The following FLNB variants were observed in gnomAD, a reference collection of about 807,000 sequenced individuals.
The protein encoded by FLNB is filamin B, also known as filamin-B.
A neutral mutation model predicts 250.6 loss-of-function variants in FLNB; 111 were observed. That is an observed-to-expected ratio of 0.44 (90% confidence interval 0.38 to 0.52). The LOEUF (loss-of-function observed/expected upper bound fraction) is 0.52. FLNB is among the 20% of genes least tolerant of loss of function. The pLI is 0.00. For synonymous variants in FLNB, 1,302 were observed against 1,372.1 expected, an observed-to-expected ratio of 0.95 and a Z score of 1.13; for missense variants, 2,869 against 3,447.8, an observed-to-expected ratio of 0.83 and a Z score of 4.20.
At position 58,169,048 on chromosome 3, in the gene FLNB, A is replaced by G. The variant is rs1220910027; in HGVS notation, c.7417+390A>G. 1.6e-5 allele frequency: 5 copies of G among 306,080 alleles called. No homozygotes were observed. The highest frequency in any genetic ancestry group is 3.1e-5 in the Non-Finnish European group (5 of 159,082). 19.0% of individuals were successfully genotyped at this position (306,080 alleles called of 1,614,324 possible). A position where few individuals can be genotyped will look rare whatever the true frequency, so the allele number is the denominator to read the frequency against. On this transcript the variant is annotated intron_variant, in intron 44 of 45. Transcript: ENST00000295956. The surrounding 1 kb of genome is among the most constrained non-coding windows in gnomAD (Gnocchi z 4.8). The stretch of plus-strand genomic sequence containing the variant: ...TCCAAAACACTGGAAAAAATACCAA[A>G]CTATGAAAACCACTTCACAGCCACC...
rs1347273426 is a variant in FLNB, at chr3:58,109,990, A to G, written c.2324-20A>G. The G allele has an allele frequency of 6.2e-7, 1 of 1,613,986 alleles. No homozygotes were observed. The highest frequency in any genetic ancestry group is 8.5e-7 in the Non-Finnish European group (1 of 1,179,878). On this transcript the variant is annotated intron_variant, in intron 15 of 45. Transcript: ENST00000295956. ...ATGCTGTTTCTTGTAAGCTGGTGCTAATAAGCTGGTCTGTTCCAGGTGATG... is the reference window on the plus strand; with the variant it reads ...ATGCTGTTTCTTGTAAGCTGGTGCTGATAAGCTGGTCTGTTCCAGGTGATG...
In FLNB at chr3:58,073,486, G is replaced by A. The variant is rs13317667; in HGVS notation, c.293-3560G>A. Among the ~76,000 whole-genome samples the A allele has an allele frequency of 2.8e-3, 427 of 152,274 alleles. 5 individuals are homozygous for A. The highest frequency in any genetic ancestry group is 9.7e-3 in the African/African-American group (402 of 41,554). ...GATTGACCACAGGACCTCAAAAGGA[G>A]GGCTGGCTTCATGACCACATGACCC... On this transcript the variant is annotated intron_variant, in intron 1 of 45. Coordinates refer to ENST00000295956, the MANE Select transcript of FLNB (RefSeq NM_001457.4).
intron 38 of FLNB, among the ~76,000 whole-genome samples, chr3:58,151,871 C>G (rs1202159630): frequency 6.6e-5 from 10 of 152,200 alleles, no homozygotes; most frequent in African/African-American, 2.4e-4. Flanking sequence ...CCTTGGCAGA[C>G]CGCCCTCCAC....
At chr3:58,119,826 T>C (rs948645177) in intron 19 of FLNB, among the ~76,000 whole-genome samples, 2 of 152,244 alleles carry the variant, frequency 1.3e-5, no homozygotes, top group Non-Finnish European at 2.9e-5. Flanking sequence ...TCTATACATA[T>C]AGATGTGCCT....
chr3:58,075,108 T>C (rs1411700032), intron 1 of FLNB, among the ~76,000 whole-genome samples: 3 of 152,112 alleles, frequency 2.0e-5, no homozygotes, highest in Admixed American at 2.0e-4. Flanking sequence ...TGGCATGCCA[T>C]GCACCCCTTA....
chr3:58,008,444 C>T lies in FLNB; in HGVS notation c.-121C>T, dbSNP rs1343002687. ...CGCAGAGCAGCACCGGCCGTGGCTC[C>T]GGTAGCAGCAAGTTCGAACCCCGCT... On this transcript the variant is annotated 5_prime_UTR_variant, in exon 1 of 46. Transcript: ENST00000295956. The T allele has an allele frequency of 3.5e-5, 42 of 1,213,712 alleles. 1 individual carries two copies. In the South Asian group the frequency reaches 5.3e-4, roughly 15 times the overall value. 75.2% of individuals were successfully genotyped at this position (1,213,712 alleles called of 1,614,324 possible).
intron 6 of FLNB, among the ~76,000 whole-genome samples, chr3:58,097,173 G>A (rs553562096): frequency 2.6e-5 from 4 of 152,126 alleles, no homozygotes; most frequent in Admixed American, 6.5e-5. Flanking sequence ...TCACCACCTT[G>A]GGCTTTAGTG....
chr3:58,026,815 G>C lies in FLNB; in HGVS notation c.292+17959G>C, dbSNP rs144255161. Among the ~76,000 whole-genome samples the C allele has an allele frequency of 6.7e-4, 102 of 152,308 alleles. 3 individuals carry two copies. Among genetic ancestry groups the C allele is most frequent in the Admixed American group, 2.2e-3 (33 of 15,294 alleles). On this transcript the variant is annotated intron_variant, in intron 1 of 45. Transcript: ENST00000295956. ...ATGTCAGTTTTAGGCCATCTCTGGT[G>C]TAGCCAGGGAACGCCCAACACCTTT...
Position 58,118,931 on chromosome 3 carries a change from T to C in FLNB, c.2805T>C (p.Thr935=). Residue 935 remains threonine, a synonymous_variant, in exon 19 of 46, where the codon ACT becomes ACC. Coordinates refer to ENST00000295956, the MANE Select transcript of FLNB (RefSeq NM_001457.4). Reference sequence around the variant, plus strand: ...ATCCCATCCCTAAAAGCCCTTTCACTGTGGGTGTTGCTGCACCGCTGGATC... The same window carrying C: ...ATCCCATCCCTAAAAGCCCTTTCACCGTGGGTGTTGCTGCACCGCTGGATC... ...GGDPIPKSPF[T]VGVAAPLDLS... 1 of 1,614,130 alleles carries C rather than the reference T, an allele frequency of 6.2e-7. No homozygotes were observed. The highest frequency in any genetic ancestry group is 1.3e-5 in the African/African-American group (1 of 75,024).
In FLNB at chr3:58,168,583, G is replaced by A; in HGVS notation, c.7342G>A (p.Gly2448Ser). Residue 2448 changes from glycine to serine, a missense_variant, in exon 44 of 46, where the codon GGT becomes AGT. By Grantham distance (56) the Gly-to-Ser change is moderately conservative (BLOSUM62 0). Coordinates refer to ENST00000295956, the MANE Select transcript of FLNB (RefSeq NM_001457.4). ...AGTCATGTACACCCCCATGGCTCCT[G>A]GTAACTACCTGATCAGCGTCAAATA... ...YKVMYTPMAP[G>S]NYLISVKYGG... is the part of the protein sequence containing the mutation. 3.7e-6 allele frequency: 6 copies of A among 1,614,186 alleles called. No homozygotes were observed. The highest frequency in any genetic ancestry group is 4.2e-6 in the Non-Finnish European group (5 of 1,180,020).
rs750632471 is a variant in FLNB, at chr3:58,136,058, A to G, written c.4751A>G (p.Lys1584Arg). 12 of 1,614,138 alleles carry G rather than the reference A, an allele frequency of 7.4e-6. No individual in the cohort carries two copies. Among genetic ancestry groups the G allele is most frequent in the Non-Finnish European group, 1.0e-5 (12 of 1,180,048 alleles). ...TATGCTGTCACCTACATCCCCGACA[A>G]GACTGGGCGCTATATGATTGGAGTC... ...GTYAVTYIPDKTGRYMIGVTY... is the reference protein window; with the variant it reads ...GTYAVTYIPDRTGRYMIGVTY... Residue 1584 changes from lysine to arginine, a missense_variant, in exon 28 of 46, where the codon AAG (lysine) becomes AGG (arginine). This residue lies in a region of FLNB where 126 missense variants were observed against 182.0 expected (regional missense o/e 0.69). Coordinates refer to ENST00000295956, the MANE Select transcript of FLNB (RefSeq NM_001457.4).
At chr3:58,020,701 T>C (rs966271891) in intron 1 of FLNB, among the ~76,000 whole-genome samples, 7 of 146,192 alleles carry the variant, frequency 4.8e-5, no homozygotes, top group Non-Finnish European at 8.9e-5. Flanking sequence ...AGACAAGTTT[T>C]CTGGAATTTC....
rs2097202849 is a variant in FLNB, at chr3:58,077,148, G to C, written c.395G>C (p.Gly132Ala). ...SISMPVWEDE[G>A]DDDAKKQTPK... ...TCCATGCCCGTGTGGGAGGATGAAG[G>C]GGATGATGATGCCAAGAAGCAGACG... The change falls in exon 2 of 46, where the codon GGG (glycine) becomes GCG (alanine). Residue 132 changes from glycine to alanine, a missense_variant. Gly to Ala is a moderately conservative substitution (Grantham distance 60). Transcript: ENST00000295956. The C allele has an allele frequency of 1.2e-6, 2 of 1,614,014 alleles. No individual in the cohort carries two copies. Among genetic ancestry groups the C allele is most frequent in the Non-Finnish European group, 1.7e-6 (2 of 1,180,028 alleles).
chr3:58,047,841 G>A, intron 1 of FLNB, among the ~76,000 whole-genome samples: 1 of 152,138 alleles, frequency 6.6e-6, no homozygotes, highest in East Asian at 1.9e-4. Context: ...TAGGATTACA[G>A]GAGTGAGCCA....
intron 1 of FLNB, among the ~76,000 whole-genome samples, chr3:58,054,906 T>C (rs9879941): frequency 0.058 from 8,804 of 152,260 alleles, 817 homozygotes; most frequent in African/African-American, 0.2. Flanking sequence ...TGTCTATGGA[T>C]GCTTTCACAC....
chr3:58,166,543 T>G (rs918301869), intron 43 of FLNB, among the ~76,000 whole-genome samples: 1 of 152,160 alleles, frequency 6.6e-6, no homozygotes, highest in Non-Finnish European at 1.5e-5. Flanking sequence ...CTTTTTGGCC[T>G]GGCACAGTGG....
At chr3:58,086,805 C>G (rs949065846) in intron 4 of FLNB, among the ~76,000 whole-genome samples, 1 of 152,148 alleles carries the variant, frequency 6.6e-6, no homozygotes, top group African/African-American at 2.4e-5. Context: ...GGATCCTATT[C>G]AAACTAATGG....
At chr3:58,132,520 C>T (rs372651219) in intron 25 of FLNB, 73 of 507,504 alleles carry the variant, frequency 1.4e-4, no homozygotes, top group South Asian at 1.3e-3. Flanking sequence ...TCCACATACA[C>T]CCTCCAGCAG....
intron 18 of FLNB, among the ~76,000 whole-genome samples, chr3:58,118,487 G>T (rs929517665): frequency 2.2e-4 from 33 of 152,172 alleles, no homozygotes; most frequent in African/African-American, 8.0e-4. Flanking sequence ...TTACCAAGGT[G>T]TGTGACTTGG....
Sources: allele counts gnomAD v4.1 joint callset (sites outside exome capture counted in the v4.1 genomes callset), GRCh38; gene constraint gnomAD v4.1.1; regional missense constraint gnomAD v4.1.1; non-coding constraint Gnocchi (gnomAD v3.1); transcripts MANE v1.5; gene names NCBI Gene and HGNC (gene_info 2026-07-23, HGNC 2026-07-21).